IL1RAP: variants seen among roughly 807,000 people sequenced by gnomAD.
IL1RAP encodes interleukin 1 receptor accessory protein.
IL1RAP carries 35 observed loss-of-function variants against 60.7 expected under a neutral mutation model. That is an observed-to-expected ratio of 0.58 (90% CI 0.44 to 0.76). IL1RAP has a LOEUF of 0.76. IL1RAP is among the 30% of genes least tolerant of loss of function. The pLI is 0.00. For missense variants in IL1RAP, 572 were observed against 693.9 expected (o/e 0.82, Z 1.97); for synonymous variants, 268 against 250.9 (o/e 1.07, Z -0.64).
At chr3:190,522,096 A>G (rs1489323609) in intron 1 of IL1RAP, among the ~76,000 whole-genome samples, 1 of 152,110 alleles carries the variant, frequency 6.6e-6, no homozygotes, top group Non-Finnish European at 1.5e-5. Context: ...TTTCTGGAAG[A>G]TTATACTTCA....
intron 5 of IL1RAP, among the ~76,000 whole-genome samples, chr3:190,617,747 C>T (rs1318531837): frequency 1.3e-5 from 2 of 152,104 alleles, no homozygotes; most frequent in African/African-American, 4.8e-5. Context: ...CTATGTGTCT[C>T]AGGTACATGT....
In IL1RAP at chr3:190,604,026, T is replaced by G. The variant is rs1353207312; in HGVS notation, c.65-102T>G. 2.6e-6 allele frequency: 3 copies of G among 1,166,934 alleles called. No homozygotes were observed. The East Asian group carries it at 7.4e-5, about 29-fold the overall frequency. 72.3% of individuals were successfully genotyped at this position (1,166,934 alleles called of 1,614,324 possible). A position where few individuals can be genotyped will look rare whatever the true frequency, so the allele number is the denominator to read the frequency against. ...GCTGGAAGATGACCAGAGAAAGAGG[T>G]TCTGGAAAAGACCGGGTGAACTGAG... On this transcript the variant is annotated intron_variant, in intron 3 of 11. Transcript: ENST00000447382.
chr3:190,590,241 C>A (rs140339722), intron 3 of IL1RAP, among the ~76,000 whole-genome samples: 1 of 151,774 alleles, frequency 6.6e-6, no homozygotes, highest in East Asian at 1.9e-4. Flanking sequence ...CAACTGTGGA[C>A]AGGATTCTTC....
chr3:190,635,681 T>A (rs1001278176), intron 9 of IL1RAP, among the ~76,000 whole-genome samples: 2 of 152,258 alleles, frequency 1.3e-5, no homozygotes, highest in African/African-American at 2.4e-5. Context: ...ACATTATATA[T>A]GAAAATTCAT....
chr3:190,543,389 G>A (rs1342559595), intron 1 of IL1RAP, among the ~76,000 whole-genome samples: 6 of 152,258 alleles, frequency 3.9e-5, no homozygotes, highest in African/African-American at 1.4e-4. Flanking sequence ...AGGCTTCAAT[G>A]CTAGACCCTG....
intron 1 of IL1RAP, among the ~76,000 whole-genome samples, chr3:190,525,097 G>A (rs374083335): frequency 6.6e-6 from 1 of 152,176 alleles, no homozygotes; most frequent in Non-Finnish European, 1.5e-5. Context: ...AGGTGTTGAA[G>A]TGTTTACTTG....
At chr3:190,537,174 A>G in intron 1 of IL1RAP, among the ~76,000 whole-genome samples, 1 of 152,200 alleles carries the variant, frequency 6.6e-6, no homozygotes, top group Non-Finnish European at 1.5e-5. Flanking sequence ...AAGAAGTGAT[A>G]GAGAATTTAT....
intron 7 of IL1RAP, among the ~76,000 whole-genome samples, 190 bp from the exon 8 acceptor site, chr3:190,627,133 T>C (rs2361836): frequency 0.67 from 102,214 of 151,970 alleles, 34,932 homozygotes; most frequent in East Asian, 0.83. Context: ...GGGAGTCGAC[T>C]AGAGAATTAC....
intron 3 of IL1RAP, among the ~76,000 whole-genome samples, chr3:190,579,105 G>T (rs1417861862): frequency 6.6e-6 from 1 of 152,122 alleles, no homozygotes; most frequent in Non-Finnish European, 1.5e-5. Flanking sequence ...TTTCTGTTTT[G>T]TTTGTTTTTG....
intron 5 of IL1RAP, among the ~76,000 whole-genome samples, chr3:190,616,325 T>C (rs1307592503): frequency 6.6e-6 from 1 of 152,162 alleles, no homozygotes; most frequent in East Asian, 1.9e-4. Context: ...GCACACAGCA[T>C]AAAACTGAGC....
downstream of IL1RAP, among the ~76,000 whole-genome samples, chr3:190,653,394 C>T (rs1734489322): frequency 6.6e-6 from 1 of 152,152 alleles, no homozygotes; most frequent in African/African-American, 2.4e-5. Context: ...TGAACTAGGA[C>T]TCAAAAGATA....
chr3:190,643,820 C>T (rs534235475), intron 9 of IL1RAP, among the ~76,000 whole-genome samples: 1 of 152,292 alleles, frequency 6.6e-6, no homozygotes, highest in South Asian at 2.1e-4. Flanking sequence ...GCTGCATCAA[C>T]AATTAAAATT....
intron 1 of IL1RAP, among the ~76,000 whole-genome samples, chr3:190,537,680 A>G (rs1448155691): frequency 6.6e-6 from 1 of 151,662 alleles, no homozygotes; most frequent in Non-Finnish European, 1.5e-5. Flanking sequence ...ACATATCAAA[A>G]TGTAGAATAT....
At chr3:190,625,775 A>G (rs1014921287) in intron 7 of IL1RAP, among the ~76,000 whole-genome samples, 5 of 152,194 alleles carry the variant, frequency 3.3e-5, no homozygotes, top group African/African-American at 1.2e-4. Context: ...ATTTCCTAGA[A>G]TTAGGTATGG....
At chr3:190,549,199 G>A (rs1221510073) in intron 1 of IL1RAP, among the ~76,000 whole-genome samples, 2 of 152,148 alleles carry the variant, frequency 1.3e-5, no homozygotes, top group African/African-American at 2.4e-5. Context: ...GGAACAAGAG[G>A]AACCAGGCTC....
chr3:190,652,314 T>C (rs184183280), downstream of IL1RAP, among the ~76,000 whole-genome samples: 7 of 151,956 alleles, frequency 4.6e-5, 1 homozygote, highest in African/African-American at 1.7e-4. Flanking sequence ...TACAAAAAAT[T>C]AGCTGGGCAT....
At chr3:190,635,078 TTC>T (rs1181042544) in intron 9 of IL1RAP, among the ~76,000 whole-genome samples, 2 of 152,178 alleles carry the variant, frequency 1.3e-5, no homozygotes, top group Non-Finnish European at 1.5e-5. Context: ...TATTGAGATT[TTC>T]TGTTTCTTCT....
At chr3:190,612,318 T>TA (rs970938349) in intron 5 of IL1RAP, among the ~76,000 whole-genome samples, 182 of 149,452 alleles carry the variant, frequency 1.2e-3, no homozygotes, top group African/African-American at 4.0e-3. Flanking sequence ...ACCTTCCAGT[T>TA]AAAAAAAAAA....
At chr3:190,629,154 G>A (rs575224896) in intron 8 of IL1RAP, among the ~76,000 whole-genome samples, 196 bp from the exon 9 acceptor site, 5 of 152,318 alleles carry the variant, frequency 3.3e-5, no homozygotes, top group South Asian at 2.1e-4. Context: ...AGTGTGTAGC[G>A]TAGATGGTAT....
Sources: gnomAD v4.1 joint callset for allele counts (sites outside exome capture counted in the v4.1 genomes callset) on GRCh38, gnomAD v4.1.1 for gene constraint, MANE v1.5 for transcripts, NCBI Gene and HGNC (gene_info 2026-07-23, HGNC 2026-07-21) for gene names.